The following CLYBL variants were observed in gnomAD, a reference collection of about 807,000 sequenced individuals.
The protein encoded by CLYBL is citramalyl-CoA lyase.
CLYBL carries 31 observed loss-of-function variants against 38.9 expected under a neutral mutation model. The ratio of observed to expected loss-of-function variants is 0.80; its 90% CI spans 0.60 to 1.08. The LOEUF is 1.08. Among genes scored for constraint, CLYBL ranks in the 50% least tolerant of loss-of-function variants. The pLI is 0.00. For synonymous variants in CLYBL, 171 were observed against 158.6 expected, an observed-to-expected ratio of 1.08 and a Z score of -0.59; for missense variants, 434 against 411.6, an observed-to-expected ratio of 1.05 and a Z score of -0.47.
rs1382013150 is a variant in CLYBL, at chr13:99,864,218, ATTATTAGCAGG to A, written c.541-595_541-585del. Among the ~76,000 whole-genome samples, 31 of 152,320 alleles carry A rather than the reference ATTATTAGCAGG, an allele frequency of 2.0e-4. No individual in the cohort carries two copies. In the East Asian group the frequency reaches 5.8e-3, roughly 28 times the overall value. On this transcript the variant is annotated intron_variant, in intron 4 of 8. Coordinates refer to ENST00000339105, the MANE Select transcript of CLYBL (RefSeq NM_206808.5). ...CCTCGTTTCTTTCCCACCCACGTAT[ATTATTAGCAGG>A]TTATATCTCCACCTTTCAAGATTCA... is the stretch of plus-strand genomic sequence containing the variant.
intron 1 of CLYBL, among the ~76,000 whole-genome samples, chr13:99,684,050 T>TTTTTTTG (rs1264289076): frequency 6.9e-6 from 1 of 144,330 alleles, no homozygotes; most frequent in Non-Finnish European, 1.5e-5. Flanking sequence ...TTTTTTTTTT[T>TTTTTTTG]TTTGTATTTT....
intron 1 of CLYBL, among the ~76,000 whole-genome samples, chr13:99,645,130 C>T (rs1256646193): frequency 6.6e-6 from 1 of 152,138 alleles, no homozygotes; most frequent in East Asian, 1.9e-4. Flanking sequence ...AATTACATTC[C>T]CATTAACAGT....
At chr13:99,839,529 A>T (rs1463872705) in intron 2 of CLYBL, among the ~76,000 whole-genome samples, 8 of 152,202 alleles carry the variant, frequency 5.3e-5, no homozygotes, top group Admixed American at 5.2e-4. Flanking sequence ...TGTTTACAAA[A>T]TACAAGAAAG....
rs990058969 is a variant in CLYBL at position 99,781,201 on chromosome 13, C to T, written c.249+8191C>T. Among the ~76,000 whole-genome samples the T allele has an allele frequency of 8.6e-5, 13 of 151,116 alleles. No individual in the cohort carries two copies. In the East Asian group the frequency reaches 1.8e-3, roughly 20 times the overall value. On this transcript the variant is annotated intron_variant, in intron 2 of 8. Transcript: ENST00000339105. ...ATTTATTTATTTTGAGACGGAGTCT[C>T]GCTGTGTCACGCAGGCTGGAGTGCA...
Position 99,849,680 on chromosome 13 carries a change from G to A in CLYBL, c.250-9181G>A, listed in dbSNP as rs539781027. ...CATAAGGATGCCTGTCAAGGTCTTC[G>A]CAGAAATACCAAAGGCCTGGCACAT... On this transcript the variant is annotated intron_variant, in intron 2 of 8. Coordinates refer to ENST00000339105, the MANE Select transcript of CLYBL (RefSeq NM_206808.5). This position sits in a 1 kb window ranked among gnomAD's most constrained non-coding sequence, Gnocchi z 4.9. Among the ~76,000 whole-genome samples, 9 of 152,196 alleles carry A rather than the reference G, an allele frequency of 5.9e-5. No homozygotes were observed. Among genetic ancestry groups the A allele is most frequent in the Non-Finnish European group, 1.0e-4 (7 of 68,036 alleles).
At chr13:99,719,567 T>C (rs7993002) in intron 1 of CLYBL, among the ~76,000 whole-genome samples, 11,337 of 151,846 alleles carry the variant, frequency 0.075, 810 homozygotes, top group African/African-American at 0.19. Flanking sequence ...AGTGCAGTGG[T>C]GCTATCTCAG....
At chr13:99,699,211 C>A (rs4772233) in intron 1 of CLYBL, among the ~76,000 whole-genome samples, 1 of 151,664 alleles carries the variant, frequency 6.6e-6, no homozygotes, top group East Asian at 1.9e-4. Context: ...CATGGAGAAA[C>A]CCCGTCTCTA....
At chr13:99,638,869 A>T (rs542122295) in intron 1 of CLYBL, among the ~76,000 whole-genome samples, 2 of 152,184 alleles carry the variant, frequency 1.3e-5, no homozygotes, top group Non-Finnish European at 2.9e-5. Context: ...TAACCTTCCC[A>T]TCACTGGGTC....
chr13:99,895,239 A>G (rs1454837400), downstream of CLYBL: 2 of 151,798 alleles, frequency 1.3e-5, no homozygotes, highest in African/African-American at 4.8e-5. Flanking sequence ...AGGAGAAAAA[A>G]AATACGGGTT....
At chr13:99,867,586 C>T (rs1476893072) in intron 6 of CLYBL, among the ~76,000 whole-genome samples, 7 of 152,204 alleles carry the variant, frequency 4.6e-5, no homozygotes, top group South Asian at 2.1e-4. Flanking sequence ...ATTCTCCCTG[C>T]GTTTCATAGC....
intron 1 of CLYBL, among the ~76,000 whole-genome samples, chr13:99,724,880 G>A (rs866433388): frequency 5.4e-4 from 82 of 152,212 alleles, no homozygotes; most frequent in African/African-American, 1.8e-3. Flanking sequence ...AGGGCGTGTC[G>A]TTGGGGTCAC....
chr13:99,688,538 T>C (rs2047852401), intron 1 of CLYBL, among the ~76,000 whole-genome samples: 1 of 152,212 alleles, frequency 6.6e-6, no homozygotes, highest in Non-Finnish European at 1.5e-5. Flanking sequence ...ACTTATATTT[T>C]AATCTGAATT....
At chr13:99,878,098 A>G (rs1410107922) in intron 7 of CLYBL, among the ~76,000 whole-genome samples, 1 of 152,194 alleles carries the variant, frequency 6.6e-6, no homozygotes, top group Non-Finnish European at 1.5e-5. Context: ...AGTAAACATT[A>G]TTTAGCTAAC....
At chr13:99,695,822 A>G (rs927743239) in intron 1 of CLYBL, among the ~76,000 whole-genome samples, 2 of 152,048 alleles carry the variant, frequency 1.3e-5, no homozygotes. Flanking sequence ...CCAGTGTGAC[A>G]TTTCTTTTCT....
chr13:99,859,907 G>A (rs1239561818), intron 3 of CLYBL, among the ~76,000 whole-genome samples: 1 of 152,170 alleles, frequency 6.6e-6, no homozygotes, highest in Non-Finnish European at 1.5e-5. Context: ...GGAAGCGTTT[G>A]TGGTCGGGGC....
At chr13:99,804,739 A>G (rs1190227916) in intron 2 of CLYBL, among the ~76,000 whole-genome samples, 1 of 152,238 alleles carries the variant, frequency 6.6e-6, no homozygotes, top group Non-Finnish European at 1.5e-5. Flanking sequence ...TATTAATGCC[A>G]TATGCTTTTT....
intron 2 of CLYBL, among the ~76,000 whole-genome samples, chr13:99,805,883 TGTC>T (rs2138962803): frequency 6.6e-6 from 1 of 152,340 alleles, no homozygotes; most frequent in South Asian, 2.1e-4. Flanking sequence ...GTTGCGTTGT[TGTC>T]ATTTCATTTT....
intron 2 of CLYBL, among the ~76,000 whole-genome samples, chr13:99,795,445 G>T (rs563189372): frequency 1.3e-5 from 2 of 152,210 alleles, no homozygotes; most frequent in Admixed American, 1.3e-4. Flanking sequence ...CTTGAGGCCA[G>T]GAGTTCAAGA....
chr13:99,692,933 G>A (rs549160055), intron 1 of CLYBL, among the ~76,000 whole-genome samples: 6 of 151,636 alleles, frequency 4.0e-5, no homozygotes, highest in Admixed American at 3.9e-4. Context: ...GCCCAGTAAT[G>A]TTCAATTGTA....
Sources: allele counts gnomAD v4.1 joint callset (sites outside exome capture counted in the v4.1 genomes callset), GRCh38; gene constraint gnomAD v4.1.1; non-coding constraint Gnocchi (gnomAD v3.1); transcripts MANE v1.5; gene names NCBI Gene and HGNC (gene_info 2026-07-23, HGNC 2026-07-21).